Variants in DPP6 observed in about 807,000 individuals in gnomAD.
DPP6 encodes A-type potassium channel modulatory protein DPP6.
A neutral mutation model predicts 122.6 loss-of-function variants in DPP6; 69 were observed. That is an observed-to-expected ratio of 0.56 (90% confidence interval 0.46 to 0.69). The LOEUF is 0.69. Among genes scored for constraint, DPP6 ranks in the 30% least tolerant of loss-of-function variants. DPP6 has a pLI of 0.00. For missense variants in DPP6, 928 were observed against 1,116.9 expected (o/e 0.83, Z 2.41); for synonymous variants, 418 against 433.1 (o/e 0.97, Z 0.43).
At chr7:154,488,887 A>G (rs762584133) in intron 3 of DPP6, among the ~76,000 whole-genome samples, 1 of 152,062 alleles carries the variant, frequency 6.6e-6, no homozygotes, top group Non-Finnish European at 1.5e-5. Context: ...GGACCTCATG[A>G]CGTGTTTATC....
intron 1 of DPP6, among the ~76,000 whole-genome samples, chr7:153,958,185 CAGAT>C (rs1450826992): frequency 3.9e-5 from 6 of 152,128 alleles, no homozygotes; most frequent in South Asian, 2.1e-4. Context: ...AAAAAACAAG[CAGAT>C]AGACCACAAA....
chr7:154,490,920 G>A (rs1184724787), intron 3 of DPP6, among the ~76,000 whole-genome samples: 1 of 152,226 alleles, frequency 6.6e-6, no homozygotes, highest in Non-Finnish European at 1.5e-5. Flanking sequence ...TTACTTGTAA[G>A]TTGCCGAAGG....
At chr7:153,837,138 G>A in the DPP6 span, among the ~76,000 whole-genome samples, 1 of 152,258 alleles carries the variant, frequency 6.6e-6, no homozygotes, top group East Asian at 1.9e-4. Context: ...CTAAACCATG[G>A]GGGGTTAAAT....
At chr7:154,096,641 C>G (rs563135583) in intron 1 of DPP6, among the ~76,000 whole-genome samples, 33 of 152,146 alleles carry the variant, frequency 2.2e-4, no homozygotes, top group African/African-American at 7.5e-4. Context: ...AAGAAAATCT[C>G]TATATTACAA....
At chr7:154,874,714 C>T (rs1804703728) in intron 19 of DPP6, among the ~76,000 whole-genome samples, 1 of 152,226 alleles carries the variant, frequency 6.6e-6, no homozygotes, top group Non-Finnish European at 1.5e-5. Flanking sequence ...GCTGGAGCCA[C>T]TCTCAGTTGG....
At chr7:154,695,275 T>C (rs1840155989) in intron 7 of DPP6, among the ~76,000 whole-genome samples, 1 of 152,062 alleles carries the variant, frequency 6.6e-6, no homozygotes, top group Non-Finnish European at 1.5e-5. Flanking sequence ...GAAAGGGCTG[T>C]GAGGGAACTA....
intron 8 of DPP6, among the ~76,000 whole-genome samples, chr7:154,761,529 A>C (rs956291237): frequency 1.5e-4 from 23 of 152,106 alleles, no homozygotes; most frequent in African/African-American, 4.8e-4. Flanking sequence ...AAAGAGGTTT[A>C]ATTGGCTCCC....
chr7:154,821,087 G>T lies in DPP6; in HGVS notation c.1666+13975G>T, dbSNP rs1162598736. ...TACTTCAAGATGTTCTCTGCAGAGGGTCATTTGGAATAAATTTTCCTCTGG... is the reference window on the plus strand; with the variant it reads ...TACTTCAAGATGTTCTCTGCAGAGGTTCATTTGGAATAAATTTTCCTCTGG... On this transcript the variant is annotated intron_variant, in intron 16 of 25. Coordinates refer to ENST00000377770, the MANE Select transcript of DPP6 (RefSeq NM_130797.4). This position sits in a 1 kb window ranked among gnomAD's most constrained non-coding sequence, Gnocchi z 4.2. Among the ~76,000 whole-genome samples the T allele has an allele frequency of 6.6e-6, 1 of 152,150 alleles. No individual in the cohort carries two copies. Among genetic ancestry groups the T allele is most frequent in the Non-Finnish European group, 1.5e-5 (1 of 68,046 alleles).
intron 18 of DPP6, among the ~76,000 whole-genome samples, chr7:154,871,299 G>A (rs1804375975): frequency 6.6e-6 from 1 of 152,176 alleles, no homozygotes; most frequent in Admixed American, 6.5e-5. Context: ...CCAGCAGGGG[G>A]TTTCCTTAAA....
intron 16 of DPP6, among the ~76,000 whole-genome samples, chr7:154,837,350 A>G (rs1157554816): frequency 1.3e-5 from 2 of 151,780 alleles, no homozygotes; most frequent in Admixed American, 6.5e-5. Flanking sequence ...GCACACATGC[A>G]CACATGCATG....
At chr7:154,026,767 G>T (rs1798973683) in intron 1 of DPP6, 1 of 151,976 alleles carries the variant, frequency 6.6e-6, no homozygotes, top group Non-Finnish European at 1.5e-5. Context: ...GCATAAAACT[G>T]CTATAAAATA....
chr7:154,214,894 G>T (rs2150815908), intron 1 of DPP6, among the ~76,000 whole-genome samples: 1 of 152,262 alleles, frequency 6.6e-6, no homozygotes, highest in East Asian at 1.9e-4. Context: ...CTGTAGCCTG[G>T]GTGACACAGT....
At chr7:153,810,213 C>A in the DPP6 span, among the ~76,000 whole-genome samples, 3 of 152,150 alleles carry the variant, frequency 2.0e-5, no homozygotes, top group African/African-American at 7.2e-5. Context: ...CAGAGAACAA[C>A]TGAAATATCA....
Position 154,360,931 on chromosome 7 carries a change from C to T in DPP6, c.244-85283C>T, listed in dbSNP as rs540050293. 9.2e-5 allele frequency among the ~76,000 whole-genome samples: 14 copies of T among 151,914 alleles called. No individual in the cohort carries two copies. The South Asian group carries it at 2.1e-3, about 23-fold the overall frequency. On this transcript the variant is annotated intron_variant, in intron 1 of 25. Coordinates refer to ENST00000377770, the MANE Select transcript of DPP6 (RefSeq NM_130797.4). ...CTGGATTCCGGGGGCTAATGGCCTA[C>T]GAGAAGATTTGAGTGTTGAGATTCT...
chr7:153,809,990 C>T, the DPP6 span, among the ~76,000 whole-genome samples: 5,416 of 152,220 alleles, frequency 0.036, 110 homozygotes, highest in South Asian at 0.12. Flanking sequence ...CTTAAAGAAG[C>T]TACCATTAGA....
chr7:153,890,683 C>CTT lies in DPP6; in HGVS notation c.51+2974_51+2975dup, dbSNP rs34345128. ...TACCACAGGTGGAATCAGTTTAGAA[C>CTT]TTTTTTTTTTTTTTTTTTTTTTTTT... On this transcript the variant is annotated intron_variant, in intron 1 of 25. Coordinates refer to the DPP6 transcript ENST00000404039. 1.4e-3 allele frequency among the ~76,000 whole-genome samples: 113 copies of CTT among 81,996 alleles called. 7 individuals are homozygous for CTT. Among genetic ancestry groups the CTT allele is most frequent in the African/African-American group, 3.2e-3 (55 of 17,454 alleles). 53.8% of individuals were successfully genotyped at this position (81,996 alleles called of 152,430 possible). A position where few individuals can be genotyped will look rare whatever the true frequency, so the allele number is the denominator to read the frequency against.
intron 1 of DPP6, among the ~76,000 whole-genome samples, chr7:153,979,535 T>C (rs1435922789): frequency 2.0e-5 from 3 of 152,254 alleles, no homozygotes; most frequent in African/African-American, 7.2e-5. Context: ...ATATGCTTTA[T>C]TTCTTTCTCT....
chr7:154,370,858 G>A (rs1812592198), intron 1 of DPP6, among the ~76,000 whole-genome samples: 1 of 152,176 alleles, frequency 6.6e-6, no homozygotes, highest in Admixed American at 6.5e-5. Context: ...GTAGGAAAGT[G>A]AGTGCGGATT....
intron 3 of DPP6, chr7:154,475,985 T>G (rs1822701892): frequency 6.6e-6 from 1 of 152,278 alleles, no homozygotes; most frequent in African/African-American, 2.4e-5. Context: ...AATTCAGTGC[T>G]CTTCCCACCA....
Sources: gnomAD v4.1 joint callset for allele counts (sites outside exome capture counted in the v4.1 genomes callset) on GRCh38, gnomAD v4.1.1 for gene constraint, Gnocchi (gnomAD v3.1) non-coding constraint, MANE v1.5 for transcripts, NCBI Gene and HGNC (gene_info 2026-07-23, HGNC 2026-07-21) for gene names.